Variants in EYS observed in about 807,000 individuals in gnomAD.
The protein encoded by EYS is EGF-like photoreceptor maintenance factor.
Under a neutral mutation model 282.1 loss-of-function variants are expected in EYS, and 250 were observed. The ratio of observed to expected loss-of-function variants is 0.89; its 90% CI spans 0.80 to 0.98. EYS has a LOEUF of 0.98. EYS is among the 50% of genes least tolerant of loss of function. The probability of loss-of-function intolerance (pLI) is 0.00; values close to 1 mark genes in which losing one functional copy is unlikely to be tolerated. For missense variants in EYS, 4,016 were observed against 3,709.0 expected (o/e 1.08, Z -2.15); for synonymous variants, 1,355 against 1,282.9 (o/e 1.06, Z -1.20).
intron 19 of EYS, among the ~76,000 whole-genome samples, chr6:64,864,559 T>C (rs959210539): frequency 5.5e-5 from 8 of 146,486 alleles, no homozygotes; most frequent in African/African-American, 2.0e-4. Context: ...CTAATTTTTG[T>C]ATTTTTAGTA....
intron 14 of EYS, among the ~76,000 whole-genome samples, chr6:64,951,798 T>C (rs1031656566): frequency 1.3e-5 from 2 of 151,860 alleles, no homozygotes; most frequent in African/African-American, 4.8e-5. Context: ...ATATAAAGGA[T>C]ATAACAGTCA....
At chr6:63,863,862 G>T (rs1344114733) in intron 36 of EYS, among the ~76,000 whole-genome samples, 2 of 151,802 alleles carry the variant, frequency 1.3e-5, no homozygotes, top group Non-Finnish European at 2.9e-5. Flanking sequence ...TTTTAGTAGA[G>T]ACGGGGTTTC....
chr6:65,131,437 C>A (rs1179673418), intron 12 of EYS, among the ~76,000 whole-genome samples: 1 of 151,726 alleles, frequency 6.6e-6, no homozygotes, highest in East Asian at 1.9e-4. Context: ...TCACTCAAAA[C>A]TGTGCAATTA....
intron 31 of EYS, among the ~76,000 whole-genome samples, chr6:64,131,633 T>C (rs563817950): frequency 2.0e-5 from 3 of 152,242 alleles, no homozygotes; most frequent in African/African-American, 7.2e-5. Flanking sequence ...GTGTAGTAGA[T>C]GGTAGTGACC....
At chr6:64,493,420 AAG>A (rs1160239235) in intron 26 of EYS, among the ~76,000 whole-genome samples, 1 of 151,570 alleles carries the variant, frequency 6.6e-6, no homozygotes, top group East Asian at 1.9e-4. Context: ...AGTAAACAAA[AAG>A]AAACAGTCAC....
At chr6:64,125,147 A>ACTCTCTCTCTCT (rs747610398) in intron 31 of EYS, among the ~76,000 whole-genome samples, 2 of 147,154 alleles carry the variant, frequency 1.4e-5, no homozygotes, top group South Asian at 2.1e-4. Context: ...ACACACACAC[A>ACTCTCTCTCTCT]CTCTCTGTCT....
intron 26 of EYS, among the ~76,000 whole-genome samples, chr6:64,451,441 C>G (rs1453204724): frequency 6.6e-6 from 1 of 152,168 alleles, no homozygotes; most frequent in African/African-American, 2.4e-5. Flanking sequence ...CAAGGAGGAG[C>G]TGGTACCATT....
chr6:63,894,986 A>T (rs1773500389), intron 35 of EYS, among the ~76,000 whole-genome samples: 1 of 151,964 alleles, frequency 6.6e-6, no homozygotes, highest in South Asian at 2.1e-4. Context: ...CTGTACTAAG[A>T]CAGGGCCATT....
At chr6:64,673,567 C>T (rs1242425985) in intron 22 of EYS, among the ~76,000 whole-genome samples, 1 of 152,078 alleles carries the variant, frequency 6.6e-6, no homozygotes, top group Non-Finnish European at 1.5e-5. Flanking sequence ...CAAGGAAACA[C>T]ATTTGCTGAG....
intron 2 of EYS, among the ~76,000 whole-genome samples, chr6:65,509,819 C>A (rs1471560435): frequency 6.6e-6 from 1 of 152,126 alleles, no homozygotes; most frequent in Non-Finnish European, 1.5e-5. Context: ...TGTTTCCCCA[C>A]TGTAGACTCC....
intron 12 of EYS, among the ~76,000 whole-genome samples, chr6:65,282,661 C>T (rs17411254): frequency 0.069 from 10,539 of 151,944 alleles, 558 homozygotes; most frequent in Non-Finnish European, 0.1. Context: ...TGAGATAATA[C>T]ATTTTTACTG....
At chr6:65,045,200 C>G (rs1007952312) in intron 13 of EYS, among the ~76,000 whole-genome samples, 2 of 151,840 alleles carry the variant, frequency 1.3e-5, no homozygotes, top group African/African-American at 4.8e-5. Flanking sequence ...TGTGTGCTCT[C>G]CTAAGTCCAC....
At chr6:65,256,336 G>A (rs1416005757) in intron 12 of EYS, among the ~76,000 whole-genome samples, 1 of 132,536 alleles carries the variant, frequency 7.5e-6, no homozygotes, top group Admixed American at 7.8e-5. Context: ...AGTTACATAT[G>A]TATACATGTG....
At chr6:65,673,211 C>T (rs9363418) in intron 1 of EYS, among the ~76,000 whole-genome samples, 7,729 of 151,662 alleles carry the variant, frequency 0.051, 449 homozygotes, top group East Asian at 0.33. Flanking sequence ...GTTGGAGTGG[C>T]GAAAATTTTG....
chr6:63,807,126 G>A (rs1770926945), intron 36 of EYS, among the ~76,000 whole-genome samples: 1 of 152,150 alleles, frequency 6.6e-6, no homozygotes, highest in South Asian at 2.1e-4. Flanking sequence ...TCATTGTACT[G>A]TTTCCTTCAT....
In EYS at chr6:65,473,312, G is replaced by C. The variant is rs1014797333; in HGVS notation, c.862+17282C>G. Among the ~76,000 whole-genome samples the C allele has an allele frequency of 5.3e-5, 8 of 151,874 alleles. 1 individual carries two copies. The highest frequency in any genetic ancestry group is 1.9e-4 in the African/African-American group (8 of 41,414). On this transcript the variant is annotated intron_variant, in intron 5 of 42. Transcript: ENST00000503581. ...GGAGTAAGGAAAACTTTAGGAAAGA[G>C]AAATTGAACAAAAGGCAAACAAACC...
intron 12 of EYS, among the ~76,000 whole-genome samples, chr6:65,280,659 A>T (rs1330238231): frequency 2.6e-5 from 4 of 151,914 alleles, no homozygotes; most frequent in African/African-American, 7.2e-5. Context: ...ATTTTCACAT[A>T]CTTGTAATGT....
chr6:63,843,396 G>T lies in EYS; in HGVS notation c.7228+20790C>A, dbSNP rs75274567. Among the ~76,000 whole-genome samples, 9 of 152,156 alleles carry T rather than the reference G, an allele frequency of 5.9e-5. No individual in the cohort carries two copies. The East Asian group carries it at 1.7e-3, about 29-fold the overall frequency. On this transcript the variant is annotated intron_variant, in intron 36 of 42. Transcript: ENST00000503581. ...GTGAATGGGAGTTCACTCATGATTTGGCTGTTTGTCTATTATTGGTGTACA... is the reference window on the plus strand; with the variant it reads ...GTGAATGGGAGTTCACTCATGATTTTGCTGTTTGTCTATTATTGGTGTACA...
chr6:63,799,952 G>C (rs1038205336), intron 37 of EYS, among the ~76,000 whole-genome samples: 1 of 152,228 alleles, frequency 6.6e-6, no homozygotes, highest in African/African-American at 2.4e-5. Flanking sequence ...CAGGTAGCAT[G>C]AACTGGTTGT....
Sources: allele counts gnomAD v4.1 joint callset (sites outside exome capture counted in the v4.1 genomes callset), GRCh38; gene constraint gnomAD v4.1.1; transcripts MANE v1.5; gene names NCBI Gene and HGNC (gene_info 2026-07-23, HGNC 2026-07-21).